MTUS1: variants seen among roughly 807,000 people sequenced by gnomAD.
The protein encoded by MTUS1 is microtubule associated scaffold protein 1, also known as microtubule-associated tumor suppressor 1.
MTUS1 carries 109 observed loss-of-function variants against 120.8 expected under a neutral mutation model. The observed-to-expected ratio is 0.90, with a 90% confidence interval of 0.77 to 1.06. The LOEUF is 1.06. Among genes scored for constraint, MTUS1 ranks in the 50% least tolerant of loss-of-function variants. The pLI, the probability that MTUS1 is intolerant of heterozygous loss-of-function variation, is 0.00. For synonymous variants in MTUS1, 737 were observed against 550.5 expected (o/e 1.34, Z -4.74); for missense variants, 2,210 against 1,486.3 (o/e 1.49, Z -8.01).
In MTUS1 at chr8:17,691,388, T is replaced by C. The variant is rs77300060; in HGVS notation, c.2624-6846A>G. The C allele has an allele frequency of 2.7e-3, 415 of 152,368 alleles. 3 individuals carry two copies. Among genetic ancestry groups the C allele is most frequent in the African/African-American group, 9.5e-3 (394 of 41,584 alleles). The allele number at this position is 152,368 out of a possible 1,614,324, so 9.4% of individuals were successfully genotyped here. ...AACTACAAAAGGGCAGATATTCATG[T>C]CACGGCAAAGCTACAGCTCTAAAAC... On this transcript the variant is annotated intron_variant, in intron 6 of 14. Coordinates refer to ENST00000693296, the MANE Select transcript of MTUS1 (RefSeq NM_001363059.2).
intron 1 of MTUS1, among the ~76,000 whole-genome samples, chr8:17,785,376 G>A (rs1284178458): frequency 1.3e-5 from 2 of 152,206 alleles, no homozygotes; most frequent in Non-Finnish European, 2.9e-5. Flanking sequence ...AGCTTGAGCT[G>A]AGACTAAGGC....
intron 7 of MTUS1, among the ~76,000 whole-genome samples, chr8:17,679,795 G>A (rs1193603076): frequency 6.6e-6 from 1 of 152,086 alleles, no homozygotes; most frequent in Non-Finnish European, 1.5e-5. Context: ...GAGCCACCAT[G>A]CCTAGCCTCC....
intron 1 of MTUS1, among the ~76,000 whole-genome samples, chr8:17,771,133 A>G (rs945188621): frequency 1.3e-5 from 2 of 152,136 alleles, no homozygotes; most frequent in Admixed American, 1.3e-4. Flanking sequence ...AGTTCTTAGG[A>G]GTGTTATATC....
chr8:17,701,561 T>C (rs1163461965), intron 6 of MTUS1, among the ~76,000 whole-genome samples: 1 of 152,224 alleles, frequency 6.6e-6, no homozygotes, highest in African/African-American at 2.4e-5. Flanking sequence ...TAGAATTTTT[T>C]TTTTGAGACG....
chr8:17,673,743 C>T (rs1015874357), intron 8 of MTUS1, among the ~76,000 whole-genome samples: 1 of 152,124 alleles, frequency 6.6e-6, no homozygotes, highest in Non-Finnish European at 1.5e-5. Context: ...GTGTGAGCTA[C>T]CACACCCAGC....
chr8:17,684,269 C>G, intron 7 of MTUS1, 59 bp downstream of exon 7: 3 of 1,254,880 alleles, frequency 2.4e-6, no homozygotes, highest in Non-Finnish European at 2.3e-6. Context: ...GTGAGCAAGT[C>G]CTCCCCGTGC....
intron 6 of MTUS1, among the ~76,000 whole-genome samples, chr8:17,687,815 C>G (rs926910321): frequency 6.6e-6 from 1 of 152,106 alleles, no homozygotes; most frequent in Admixed American, 6.6e-5. Flanking sequence ...ATTCAGAAAC[C>G]TCAATTTAAT....
chr8:17,670,241 G>A (rs1053466771), intron 8 of MTUS1, among the ~76,000 whole-genome samples: 4 of 152,200 alleles, frequency 2.6e-5, no homozygotes, highest in African/African-American at 7.2e-5. Flanking sequence ...TACTGGACTG[G>A]CTCACCTGGG....
chr8:17,691,757 T>C (rs1037910402), intron 6 of MTUS1, among the ~76,000 whole-genome samples: 1 of 152,208 alleles, frequency 6.6e-6, no homozygotes, highest in Non-Finnish European at 1.5e-5. Context: ...CTACATTTTG[T>C]AGTACGAAAA....
chr8:17,784,529 A>C (rs1452772801), intron 1 of MTUS1, among the ~76,000 whole-genome samples: 1 of 152,080 alleles, frequency 6.6e-6, no homozygotes, highest in East Asian at 1.9e-4. Flanking sequence ...TCCTAATCTC[A>C]GGTGATCTGC....
intron 8 of MTUS1, among the ~76,000 whole-genome samples, chr8:17,673,440 G>C (rs1052962104): frequency 6.6e-6 from 1 of 152,136 alleles, no homozygotes; most frequent in African/African-American, 2.4e-5. Flanking sequence ...CACTGGAAGG[G>C]GAAAAGGGAA....
intron 1 of MTUS1, among the ~76,000 whole-genome samples, chr8:17,785,807 G>T (rs4636241): frequency 0.71 from 108,565 of 151,876 alleles, 40,818 homozygotes; most frequent in Non-Finnish European, 0.85. Flanking sequence ...GACCAGGAGA[G>T]AAAGAAATAC....
In MTUS1 at chr8:17,755,710, GA is replaced by G. The variant is rs1270364994; in HGVS notation, c.97del (p.Ser33HisfsTer12). ...DGNTHAYNPK[S>X]PPTQNSSASS... is the part of the protein sequence containing the mutation. The stretch of plus-strand genomic sequence containing the variant: ...GGCTGAAGAGTTTTGTGTAGGTGGT[GA>G]TTTCGGGTTGTATGCATGTGTATTT... On this transcript the variant is annotated frameshift_variant, in exon 2 of 15. Transcript: ENST00000693296. LOFTEE classifies it high-confidence loss of function. 4 of 1,614,194 alleles carry G rather than the reference GA, an allele frequency of 2.5e-6. No homozygotes were observed. In the East Asian group the frequency reaches 8.9e-5, roughly 36 times the overall value.
In MTUS1 at chr8:17,645,802, CCA is replaced by C; in HGVS notation, c.*122_*123del. On this transcript the variant is annotated 3_prime_UTR_variant, in exon 15 of 15. Transcript: ENST00000693296. ...CTGCGATTCCGCCGGTGGTGACGCTCCAGTTACCCTACGGTGATCACACGTGT... is the reference window on the plus strand; with the variant it reads ...CTGCGATTCCGCCGGTGGTGACGCTCGTTACCCTACGGTGATCACACGTGT... 7.8e-7 allele frequency: 1 copy of C among 1,286,854 alleles called. No homozygotes were observed. Among genetic ancestry groups the C allele is most frequent in the Non-Finnish European group, 1.0e-6 (1 of 982,246 alleles). 79.7% of individuals were successfully genotyped at this position (1,286,854 alleles called of 1,614,324 possible).
intron 1 of MTUS1, chr8:17,770,449 A>C (rs943121185): frequency 3.0e-4 from 45 of 152,352 alleles, no homozygotes; most frequent in African/African-American, 1.0e-3. Flanking sequence ...CAGAATATCA[A>C]AACCAACTGC....
At chr8:17,719,082 A>G (rs1822898672) in intron 4 of MTUS1, among the ~76,000 whole-genome samples, 1 of 152,084 alleles carries the variant, frequency 6.6e-6, no homozygotes, top group Non-Finnish European at 1.5e-5. Flanking sequence ...AGGTGGGAGA[A>G]CTGCTTGAAC....
At chr8:17,797,291 T>C (rs1259483173) in intron 1 of MTUS1, among the ~76,000 whole-genome samples, 2 of 152,002 alleles carry the variant, frequency 1.3e-5, no homozygotes, top group Non-Finnish European at 2.9e-5. Flanking sequence ...CACATGACTG[T>C]AGTCCCAGAT....
chr8:17,782,666 T>C (rs1337090277), intron 1 of MTUS1, among the ~76,000 whole-genome samples: 2 of 152,172 alleles, frequency 1.3e-5, no homozygotes, highest in African/African-American at 4.8e-5. Context: ...ACTGATCCCT[T>C]TTCTTTATCC....
At chr8:17,781,178 AG>A (rs1332641138) in intron 1 of MTUS1, among the ~76,000 whole-genome samples, 20 of 152,342 alleles carry the variant, frequency 1.3e-4, no homozygotes, top group Admixed American at 5.9e-4. Context: ...AATGGAACAA[AG>A]GAGTCTCTAA....
Sources: allele counts gnomAD v4.1 joint callset (sites outside exome capture counted in the v4.1 genomes callset), GRCh38; gene constraint gnomAD v4.1.1; transcripts MANE v1.5; gene names NCBI Gene and HGNC (gene_info 2026-07-23, HGNC 2026-07-21).